The following SLC2A13 variants were observed in gnomAD, a reference collection of about 807,000 sequenced individuals.
SLC2A13 encodes solute carrier family 2 member 13, also known as proton myo-inositol cotransporter.
SLC2A13 carries 32 observed loss-of-function variants against 64.4 expected under a neutral mutation model. The observed-to-expected ratio is 0.50, with a 90% confidence interval of 0.37 to 0.67. The LOEUF is 0.67. Among genes scored for constraint, SLC2A13 ranks in the 30% least tolerant of loss-of-function variants. SLC2A13 has a pLI of 0.00. For synonymous variants in SLC2A13, 338 were observed against 327.1 expected (o/e 1.03, Z -0.36); for missense variants, 743 against 829.2 (o/e 0.90, Z 1.28).
In SLC2A13 at chr12:39,890,625, GTTTTC is replaced by G. The variant is rs971436104; in HGVS notation, c.1035-18669_1035-18665del. On this transcript the variant is annotated intron_variant, in intron 4 of 9. Transcript: ENST00000280871. ...TTGTGGGATTTTTTTCATTTTTAAGGTTTTCTTTTATTTTTAATTGATACATAACT... is the reference window on the plus strand; with the variant it reads ...TTGTGGGATTTTTTTCATTTTTAAGGTTTTATTTTTAATTGATACATAACT... Among the ~76,000 whole-genome samples the G allele has an allele frequency of 4.9e-4, 74 of 151,944 alleles. 1 individual carries two copies. The highest frequency in any genetic ancestry group is 4.4e-3 in the Admixed American group (67 of 15,240).
chr12:39,885,881 T>G (rs1470930520), intron 4 of SLC2A13, among the ~76,000 whole-genome samples: 1 of 152,200 alleles, frequency 6.6e-6, no homozygotes. Flanking sequence ...TTCAAGAGAT[T>G]CTAACGTATT....
chr12:39,917,895 T>C (rs895809938), intron 4 of SLC2A13, among the ~76,000 whole-genome samples: 2 of 152,130 alleles, frequency 1.3e-5, no homozygotes, highest in African/African-American at 4.8e-5. Flanking sequence ...TTATTTCTAT[T>C]ATTCAGTTTA....
At chr12:40,037,073 C>G (rs1173927252) in intron 2 of SLC2A13, among the ~76,000 whole-genome samples, 1 of 152,118 alleles carries the variant, frequency 6.6e-6, no homozygotes, top group African/African-American at 2.4e-5. Flanking sequence ...CTAAACCAAC[C>G]AACCTTCCTG....
chr12:40,080,217 T>C lies in SLC2A13; in HGVS notation c.556+25036A>G, dbSNP rs113655012. ...AAGTCTATTTTTTTCTAAATAAGAA[T>C]AGCAACTCTTGCTCTGTTTGCTTGA... On this transcript the variant is annotated intron_variant, in intron 1 of 9. Transcript: ENST00000280871. Among the ~76,000 whole-genome samples, 8 of 152,242 alleles carry C rather than the reference T, an allele frequency of 5.3e-5. 1 individual carries two copies. The highest frequency in any genetic ancestry group is 1.9e-4 in the African/African-American group (8 of 41,528).
intron 4 of SLC2A13, among the ~76,000 whole-genome samples, chr12:39,926,049 C>T (rs1945723322): frequency 6.6e-6 from 1 of 151,988 alleles, no homozygotes; most frequent in Non-Finnish European, 1.5e-5. Flanking sequence ...ATTTGGTAAG[C>T]TTTTATATTT....
intron 4 of SLC2A13, chr12:39,950,007 G>A (rs779357691): frequency 1.3e-5 from 2 of 152,140 alleles, no homozygotes; most frequent in Non-Finnish European, 2.9e-5. Flanking sequence ...GAAAGTTAAT[G>A]TCAGAGAGAA....
chr12:39,982,361 C>T (rs1209426301), intron 3 of SLC2A13, among the ~76,000 whole-genome samples: 1 of 125,984 alleles, frequency 7.9e-6, no homozygotes, highest in Non-Finnish European at 1.7e-5. Context: ...AAAGGGTATT[C>T]AATTAGGAAA....
At chr12:40,104,621 G>C (rs1939243129) in intron 1 of SLC2A13, among the ~76,000 whole-genome samples, 1 of 152,180 alleles carries the variant, frequency 6.6e-6, no homozygotes, top group Admixed American at 6.5e-5. Context: ...AAACAGAGGA[G>C]AATGGAATTT....
At chr12:40,092,563 T>G (rs1347310772) in intron 1 of SLC2A13, among the ~76,000 whole-genome samples, 2 of 152,206 alleles carry the variant, frequency 1.3e-5, no homozygotes, top group Admixed American at 6.5e-5. Flanking sequence ...AAATTTATAA[T>G]CAGACCATAA....
intron 3 of SLC2A13, among the ~76,000 whole-genome samples, chr12:39,999,553 C>T (rs1296051706): frequency 6.6e-6 from 1 of 152,140 alleles, no homozygotes; most frequent in Admixed American, 6.5e-5. Context: ...GGGAAAAAAA[C>T]CTGCCCTGGT....
intron 3 of SLC2A13, among the ~76,000 whole-genome samples, chr12:40,013,861 C>A (rs1947574120): frequency 6.6e-6 from 1 of 152,170 alleles, no homozygotes; most frequent in Non-Finnish European, 1.5e-5. Flanking sequence ...AGACTAAATA[C>A]TTGGGGGGAA....
In SLC2A13 at chr12:39,771,929, C is replaced by T. The variant is rs79872247; in HGVS notation, c.1446-7071G>A. Among the ~76,000 whole-genome samples, 47 of 152,228 alleles carry T rather than the reference C, an allele frequency of 3.1e-4. No homozygotes were observed. In the East Asian group the frequency reaches 9.1e-3, roughly 29 times the overall value. ...TAGACCCAGTATCTCCTACTCATGA[C>T]GTTTCCTGTAACTGAAGGCAAACTC... On this transcript the variant is annotated intron_variant, in intron 7 of 9. Coordinates refer to ENST00000280871, the MANE Select transcript of SLC2A13 (RefSeq NM_052885.4).
chr12:39,792,699 C>A (rs138918005), intron 7 of SLC2A13, among the ~76,000 whole-genome samples: 93 of 152,124 alleles, frequency 6.1e-4, no homozygotes, highest in African/African-American at 2.1e-3. Flanking sequence ...GATATAGATA[C>A]CAAAGTATAT....
intron 1 of SLC2A13, among the ~76,000 whole-genome samples, chr12:40,065,017 C>G (rs774999156): frequency 1.3e-5 from 2 of 152,032 alleles, no homozygotes; most frequent in Non-Finnish European, 1.5e-5. Flanking sequence ...CTAATTCGTT[C>G]AGCAAATACT....
At chr12:39,847,554 A>C (rs1027033186) in intron 6 of SLC2A13, among the ~76,000 whole-genome samples, 2 of 151,802 alleles carry the variant, frequency 1.3e-5, no homozygotes, top group Non-Finnish European at 2.9e-5. Context: ...TGCTGGTAGA[A>C]CTCCTGCAGC....
intron 4 of SLC2A13, among the ~76,000 whole-genome samples, chr12:39,915,754 AT>A (rs972223609): frequency 8.6e-5 from 13 of 151,954 alleles, no homozygotes; most frequent in African/African-American, 3.1e-4. Flanking sequence ...GCCATCGCTG[AT>A]TTAAAAATAA....
At chr12:39,861,110 C>G (rs1183171963) in intron 6 of SLC2A13, among the ~76,000 whole-genome samples, 3 of 152,174 alleles carry the variant, frequency 2.0e-5, no homozygotes, top group African/African-American at 4.8e-5. Flanking sequence ...ATCTTTGTAC[C>G]TGCCATTCTT....
At chr12:39,979,776 C>A (rs1211829787) in intron 3 of SLC2A13, among the ~76,000 whole-genome samples, 5 of 110,780 alleles carry the variant, frequency 4.5e-5, no homozygotes, top group African/African-American at 1.4e-4. Flanking sequence ...AGAACTTCCC[C>A]AATCTAGCAA....
chr12:39,796,460 A>C (rs1941579743), intron 7 of SLC2A13, among the ~76,000 whole-genome samples: 1 of 151,892 alleles, frequency 6.6e-6, no homozygotes, highest in Middle Eastern at 3.2e-3. Flanking sequence ...CAAACAAAAA[A>C]AGAAATGAGG....
Sources: gnomAD v4.1 joint callset for allele counts (sites outside exome capture counted in the v4.1 genomes callset) on GRCh38, gnomAD v4.1.1 for gene constraint, MANE v1.5 for transcripts, NCBI Gene and HGNC (gene_info 2026-07-23, HGNC 2026-07-21) for gene names.